Variants in PPIB observed in about 807,000 individuals in gnomAD.
PPIB encodes peptidylprolyl isomerase B, also known as peptidyl-prolyl cis-trans isomerase B.
In PPIB, 15 loss-of-function variants were observed where a neutral mutation model predicts 20.1. The ratio of observed to expected loss-of-function variants is 0.75; its 90% CI spans 0.50 to 1.15. The LOEUF (loss-of-function observed/expected upper bound fraction) is 1.15. Among genes scored for constraint, PPIB ranks in the 50% most tolerant of loss-of-function variants. The pLI is 0.00. For missense variants in PPIB, 278 were observed against 283.0 expected (o/e 0.98, Z 0.13); for synonymous variants, 129 against 111.0 (o/e 1.16, Z -1.02).
In PPIB at chr15:64,160,025, G is replaced by C. The variant is rs752003884; in HGVS notation, c.343+79C>G. On this transcript the variant is annotated intron_variant, in intron 3 of 4. Transcript: ENST00000300026. The surrounding 1 kb of genome is among the most constrained non-coding windows in gnomAD (Gnocchi z 4.8). ...CTAGAGCTGGGGAAGAAAGAGGCCT[G>C]GTCTCCCCAGCAGAACCTGGCCCTC... 1.1e-5 allele frequency: 14 copies of C among 1,247,570 alleles called. No individual in the cohort carries two copies. The South Asian group carries it at 1.7e-4, about 15-fold the overall frequency. The allele number at this position is 1,247,570 out of a possible 1,614,324, so 77.3% of individuals were successfully genotyped here.
chr15:64,160,952 TTTTTTTA>T lies in PPIB; in HGVS notation c.250-762_250-756del, dbSNP rs1274870501. On this transcript the variant is annotated intron_variant, in intron 2 of 4. Transcript: ENST00000300026. The surrounding 1 kb of genome is among the most constrained non-coding windows in gnomAD (Gnocchi z 4.8). ...GGTGTGAGCCACCATGCCCAGCCTG[TTTTTTTA>T]TTTTTTATTTTTATTTTTGAGATGG... Among the ~76,000 whole-genome samples the T allele has an allele frequency of 6.6e-6, 1 of 151,616 alleles. No homozygotes were observed. Among genetic ancestry groups the T allele is most frequent in the East Asian group, 1.9e-4 (1 of 5,148 alleles).
chr15:64,156,665 G>T lies in PPIB; in HGVS notation c.528+60C>A, dbSNP rs1323991636. ...TGGACACATGGAGCTCCTGCCCTGGGGTCTGTGTTGAATCCCCGGTGAGGA... is the reference window on the plus strand; with the variant it reads ...TGGACACATGGAGCTCCTGCCCTGGTGTCTGTGTTGAATCCCCGGTGAGGA... On this transcript the variant is annotated intron_variant, in intron 4 of 4. Transcript: ENST00000300026. The surrounding 1 kb of genome is among the most constrained non-coding windows in gnomAD (Gnocchi z 6.4). 5 of 1,594,948 alleles carry T rather than the reference G, an allele frequency of 3.1e-6. No homozygotes were observed. The East Asian group carries it at 6.7e-5, about 21-fold the overall frequency.
rs2081558289 is a variant in PPIB at position 64,160,289 on chromosome 15, C to T, written c.250-92G>A. On this transcript the variant is annotated intron_variant, in intron 2 of 4. Transcript: ENST00000300026. The surrounding 1 kb of genome is among the most constrained non-coding windows in gnomAD (Gnocchi z 4.8). The stretch of plus-strand genomic sequence containing the variant: ...CCTCACAGGAACAAGTCCACAACTC[C>T]TGCTCGCAGAAGAGACACCACTGCT... The T allele has an allele frequency of 9.6e-7, 1 of 1,043,852 alleles. No homozygotes were observed. The highest frequency in any genetic ancestry group is 1.3e-5 in the South Asian group (1 of 77,396). 64.7% of individuals were successfully genotyped at this position (1,043,852 alleles called of 1,614,324 possible).
chr15:64,160,068 C>G lies in PPIB; in HGVS notation c.343+36G>C, dbSNP rs2081556773. 2.6e-6 allele frequency: 4 copies of G among 1,551,180 alleles called. No homozygotes were observed. The highest frequency in any genetic ancestry group is 3.6e-6 in the Non-Finnish European group (4 of 1,122,946). On this transcript the variant is annotated intron_variant, in intron 3 of 4. Coordinates refer to ENST00000300026, the MANE Select transcript of PPIB (RefSeq NM_000942.5). The surrounding 1 kb of genome is among the most constrained non-coding windows in gnomAD (Gnocchi z 4.8). Reference sequence around the variant, plus strand: ...TGGCCCTCCCACTGTGGAGGCTACACTGACATACTCCTTGGCCCAGAGGAC... The same window carrying G: ...TGGCCCTCCCACTGTGGAGGCTACAGTGACATACTCCTTGGCCCAGAGGAC...
Position 64,159,951 on chromosome 15 carries a change from G to A in PPIB, c.343+153C>T. 4.2e-6 allele frequency: 3 copies of A among 721,400 alleles called. No individual in the cohort carries two copies. Among genetic ancestry groups the A allele is most frequent in the Middle Eastern group, 3.7e-4 (1 of 2,738 alleles). 44.7% of individuals were successfully genotyped at this position (721,400 alleles called of 1,614,324 possible). A position where few individuals can be genotyped will look rare whatever the true frequency, so the allele number is the denominator to read the frequency against. ...CTTTGTACTGGGTTCCCTCTTCAAA[G>A]AAGGGTGCCGCTGGTCTCAAAGTAG... On this transcript the variant is annotated intron_variant, in intron 3 of 4. Coordinates refer to ENST00000300026, the MANE Select transcript of PPIB (RefSeq NM_000942.5). The surrounding 1 kb of genome is among the most constrained non-coding windows in gnomAD (Gnocchi z 5.1).
At position 64,160,056 on chromosome 15, in the gene PPIB, G is replaced by C. The variant is rs1236650368; in HGVS notation, c.343+48C>G. On this transcript the variant is annotated intron_variant, in intron 3 of 4. Coordinates refer to ENST00000300026, the MANE Select transcript of PPIB (RefSeq NM_000942.5). The surrounding 1 kb of genome is among the most constrained non-coding windows in gnomAD (Gnocchi z 4.8). Reference sequence around the variant, plus strand: ...CCCAGCAGAACCTGGCCCTCCCACTGTGGAGGCTACACTGACATACTCCTT... The same window carrying C: ...CCCAGCAGAACCTGGCCCTCCCACTCTGGAGGCTACACTGACATACTCCTT... 6 of 1,504,562 alleles carry C rather than the reference G, an allele frequency of 4.0e-6. No individual in the cohort carries two copies. Among genetic ancestry groups the C allele is most frequent in the Non-Finnish European group, 5.6e-6 (6 of 1,080,468 alleles). The allele number at this position is 1,504,562 out of a possible 1,614,324, so 93.2% of individuals were successfully genotyped here.
Position 64,157,970 on chromosome 15 carries a change from G to T in PPIB, c.344-1061C>A, listed in dbSNP as rs1010484850. ...CCACATGTGCAGTGAGACCTGGCTGGAGTGCTGGCTAAAAGCCTCCCCCAT... is the reference window on the plus strand; with the variant it reads ...CCACATGTGCAGTGAGACCTGGCTGTAGTGCTGGCTAAAAGCCTCCCCCAT... On this transcript the variant is annotated intron_variant, in intron 3 of 4. Transcript: ENST00000300026. This position sits in a 1 kb window ranked among gnomAD's most constrained non-coding sequence, Gnocchi z 4.2. 6.6e-6 allele frequency among the ~76,000 whole-genome samples: 1 copy of T among 152,186 alleles called. No individual in the cohort carries two copies. Among genetic ancestry groups the T allele is most frequent in the Non-Finnish European group, 1.5e-5 (1 of 68,036 alleles).
rs749436404 is a variant in PPIB, at chr15:64,156,848, A to C, written c.405T>G (p.Pro135=). 9.9e-6 allele frequency: 16 copies of C among 1,614,210 alleles called. No individual in the cohort carries two copies. The South Asian group carries it at 1.5e-4, about 16-fold the overall frequency. The change falls in exon 4 of 5, where the codon CCT becomes CCG. Residue 135 remains proline, a synonymous_variant. Transcript: ENST00000300026. This position sits in a 1 kb window ranked among gnomAD's most constrained non-coding sequence, Gnocchi z 6.4. ...CTGCGTTGGCCATGCTCACCCAGCCAGGCCCGTAGTGCTTCAGTTTGAAGT... is the reference window on the plus strand; with the variant it reads ...CTGCGTTGGCCATGCTCACCCAGCCCGGCCCGTAGTGCTTCAGTTTGAAGT... ...DENFKLKHYG[P]GWVSMANAGK... is the part of the protein sequence containing the mutation.
At position 64,162,951 on chromosome 15, in the gene PPIB, G is replaced by T. The variant is rs556370363; in HGVS notation, c.36C>A (p.Leu12=). The T allele has an allele frequency of 1.2e-6, 2 of 1,613,606 alleles. No individual in the cohort carries two copies. Among genetic ancestry groups the T allele is most frequent in the Non-Finnish European group, 1.7e-6 (2 of 1,179,874 alleles). ...LRLSERNMKV[L]LAAALIAGSV... is the part of the protein sequence containing the mutation. Reference sequence around the variant, plus strand: ...ACCCCGCGATGAGGGCGGCGGCAAGGAGCACCTTCATGTTGCGTTCGGAGA... The same window carrying T: ...ACCCCGCGATGAGGGCGGCGGCAAGTAGCACCTTCATGTTGCGTTCGGAGA... Residue 12 remains leucine, a synonymous_variant, in exon 1 of 5, where the codon CTC becomes CTA. Transcript: ENST00000300026.
In PPIB at chr15:64,156,361, AC is replaced by A. The variant is rs2081531473; in HGVS notation, c.529-217del. The A allele has an allele frequency of 2.1e-5, 15 of 703,598 alleles. No homozygotes were observed. In the South Asian group the frequency reaches 2.4e-4, roughly 11 times the overall value. 43.6% of individuals were successfully genotyped at this position (703,598 alleles called of 1,614,324 possible). A position where few individuals can be genotyped will look rare whatever the true frequency, so the allele number is the denominator to read the frequency against. On this transcript the variant is annotated intron_variant, in intron 4 of 4. Coordinates refer to ENST00000300026, the MANE Select transcript of PPIB (RefSeq NM_000942.5). The surrounding 1 kb of genome is among the most constrained non-coding windows in gnomAD (Gnocchi z 6.4). The stretch of plus-strand genomic sequence containing the variant: ...AGGAATTTTGTTCCTTTGAAGTAAG[AC>A]CCAGGTTGGGCCAAGGGTGAGGAGG...
At position 64,156,884 on chromosome 15, in the gene PPIB, G is replaced by A; in HGVS notation, c.369C>T (p.Phe123=). ...GCTTCAGTTTGAAGTTCTCATCGGG[G>A]AAGCGCTCACCGTAGATGCTCTTTC... The part of the protein sequence containing the change: ...TGGKSIYGER[F]PDENFKLKHY... Residue 123 remains phenylalanine, a synonymous_variant, in exon 4 of 5, where the codon TTC becomes TTT. Coordinates refer to ENST00000300026, the MANE Select transcript of PPIB (RefSeq NM_000942.5). The surrounding 1 kb of genome is among the most constrained non-coding windows in gnomAD (Gnocchi z 6.4). 2.5e-6 allele frequency: 4 copies of A among 1,614,182 alleles called. No homozygotes were observed. The highest frequency in any genetic ancestry group is 3.4e-6 in the Non-Finnish European group (4 of 1,180,028).
Position 64,157,185 on chromosome 15 carries a change from A to ATG in PPIB, c.344-278_344-277dup. On this transcript the variant is annotated intron_variant, in intron 3 of 4. Coordinates refer to ENST00000300026, the MANE Select transcript of PPIB (RefSeq NM_000942.5). This position sits in a 1 kb window ranked among gnomAD's most constrained non-coding sequence, Gnocchi z 4.2. ...GTTTTGTGGCTTTTAAATAAGGCGC[A>ATG]TGTTATCAGCTCCCCTTAGCTATGG... is the stretch of plus-strand genomic sequence containing the variant. 1 of 510,626 alleles carries ATG rather than the reference A, an allele frequency of 2.0e-6. No homozygotes were observed. Among genetic ancestry groups the ATG allele is most frequent in the Non-Finnish European group, 3.5e-6 (1 of 281,978 alleles). The allele number at this position is 510,626 out of a possible 1,614,324, so 31.6% of individuals were successfully genotyped here.
Position 64,156,652 on chromosome 15 carries a change from G to A in PPIB, c.528+73C>T. 6.4e-7 allele frequency: 1 copy of A among 1,566,190 alleles called. No individual in the cohort carries two copies. Among genetic ancestry groups the A allele is most frequent in the Non-Finnish European group, 8.8e-7 (1 of 1,136,692 alleles). ...TTTGGGAAAGGGATGGACACATGGA[G>A]CTCCTGCCCTGGGGTCTGTGTTGAA... On this transcript the variant is annotated intron_variant, in intron 4 of 4. Transcript: ENST00000300026. This position sits in a 1 kb window ranked among gnomAD's most constrained non-coding sequence, Gnocchi z 6.4.
rs1022527355 is a variant in PPIB at position 64,159,677 on chromosome 15, CAG to C, written c.343+425_343+426del. 10 of 276,354 alleles carry C rather than the reference CAG, an allele frequency of 3.6e-5. No homozygotes were observed. The highest frequency in any genetic ancestry group is 2.0e-4 in the African/African-American group (9 of 45,454). 17.1% of individuals were successfully genotyped at this position (276,354 alleles called of 1,614,324 possible). Reference sequence around the variant, plus strand: ...TTGGCCTTCCAAAGTGCTGGGATCACAGAGTCACCACGCCTGGCCCTCTCACT... The same window carrying C: ...TTGGCCTTCCAAAGTGCTGGGATCACAGTCACCACGCCTGGCCCTCTCACT... On this transcript the variant is annotated intron_variant, in intron 3 of 4. Coordinates refer to ENST00000300026, the MANE Select transcript of PPIB (RefSeq NM_000942.5). The surrounding 1 kb of genome is among the most constrained non-coding windows in gnomAD (Gnocchi z 5.1).
chr15:64,159,984 A>G lies in PPIB; in HGVS notation c.343+120T>C. The G allele has an allele frequency of 1.1e-6, 1 of 870,686 alleles. No individual in the cohort carries two copies. Among genetic ancestry groups the G allele is most frequent in the Non-Finnish European group, 1.9e-6 (1 of 518,372 alleles). The allele number at this position is 870,686 out of a possible 1,614,324, so 53.9% of individuals were successfully genotyped here. A position where few individuals can be genotyped will look rare whatever the true frequency, so the allele number is the denominator to read the frequency against. ...CCGCTGGTCTCAAAGTAGGTAAGTA[A>G]TAAGTAGGCCTGCCTCTAGAGCTGG... On this transcript the variant is annotated intron_variant, in intron 3 of 4. Coordinates refer to ENST00000300026, the MANE Select transcript of PPIB (RefSeq NM_000942.5). The surrounding 1 kb of genome is among the most constrained non-coding windows in gnomAD (Gnocchi z 5.1).
rs1596030275 is a variant in PPIB at position 64,159,982 on chromosome 15, T to C, written c.343+122A>G. On this transcript the variant is annotated intron_variant, in intron 3 of 4. Coordinates refer to ENST00000300026, the MANE Select transcript of PPIB (RefSeq NM_000942.5). The surrounding 1 kb of genome is among the most constrained non-coding windows in gnomAD (Gnocchi z 5.1). ...TGCCGCTGGTCTCAAAGTAGGTAAG[T>C]AATAAGTAGGCCTGCCTCTAGAGCT... The C allele has an allele frequency of 3.5e-6, 3 of 853,388 alleles. No homozygotes were observed. The highest frequency in any genetic ancestry group is 6.0e-6 in the Non-Finnish European group (3 of 503,664). 52.9% of individuals were successfully genotyped at this position (853,388 alleles called of 1,614,324 possible). A position where few individuals can be genotyped will look rare whatever the true frequency, so the allele number is the denominator to read the frequency against.
Position 64,158,650 on chromosome 15 carries a change from C to T in PPIB, c.343+1454G>A, listed in dbSNP as rs1244260066. Among the ~76,000 whole-genome samples, 1 of 152,232 alleles carries T rather than the reference C, an allele frequency of 6.6e-6. No individual in the cohort carries two copies. The highest frequency in any genetic ancestry group is 1.9e-4 in the East Asian group (1 of 5,200). On this transcript the variant is annotated intron_variant, in intron 3 of 4. Transcript: ENST00000300026. The surrounding 1 kb of genome is among the most constrained non-coding windows in gnomAD (Gnocchi z 4.7). ...TCCCTGCAGGCCGAAGCCCAGGCTG[C>T]AGGACATCACCCACCTCTCTGCACT...
chr15:64,162,241 G>T, intron 1 of PPIB, 87 bp from the exon 2 acceptor site: 1 of 934,814 alleles, frequency 1.1e-6, no homozygotes, highest in Non-Finnish European at 1.8e-6. Context: ...CTGAGGATGG[G>T]AGAGAGAATA....
chr15:64,161,927 G>C lies in PPIB; in HGVS notation c.249+114C>G, dbSNP rs1016657753. 5 of 812,186 alleles carry C rather than the reference G, an allele frequency of 6.2e-6. No individual in the cohort carries two copies. Among genetic ancestry groups the C allele is most frequent in the African/African-American group, 1.7e-5 (1 of 59,662 alleles). 50.3% of individuals were successfully genotyped at this position (812,186 alleles called of 1,614,324 possible). A position where few individuals can be genotyped will look rare whatever the true frequency, so the allele number is the denominator to read the frequency against. ...GTGTTCCCAGGGCAACAGGCAGTCGGTGCTCAGTGAGGTCCACGCTACAGA... is the reference window on the plus strand; with the variant it reads ...GTGTTCCCAGGGCAACAGGCAGTCGCTGCTCAGTGAGGTCCACGCTACAGA... On this transcript the variant is annotated intron_variant, in intron 2 of 4. Coordinates refer to ENST00000300026, the MANE Select transcript of PPIB (RefSeq NM_000942.5). This position sits in a 1 kb window ranked among gnomAD's most constrained non-coding sequence, Gnocchi z 4.2.
Sources: gnomAD v4.1 joint callset for allele counts (sites outside exome capture counted in the v4.1 genomes callset) on GRCh38, gnomAD v4.1.1 for gene constraint, Gnocchi (gnomAD v3.1) non-coding constraint, MANE v1.5 for transcripts, NCBI Gene and HGNC (gene_info 2026-07-23, HGNC 2026-07-21) for gene names.